The following VAV3 variants were observed in gnomAD, a reference collection of about 807,000 sequenced individuals.
VAV3 encodes the protein vav guanine nucleotide exchange factor 3, also known as guanine nucleotide exchange factor VAV3.
A neutral mutation model predicts 131.2 loss-of-function variants in VAV3; 94 were observed. That is an observed-to-expected ratio of 0.72 (90% CI 0.61 to 0.85). VAV3 has a LOEUF of 0.85. Ranked by LOEUF, VAV3 falls within the 40% of genes least tolerant of loss-of-function variation. The pLI is 0.00. For missense variants in VAV3, 939 were observed against 1,002.7 expected (o/e 0.94, Z 0.86); for synonymous variants, 349 against 342.0 (o/e 1.02, Z -0.22).
intron 2 of VAV3, among the ~76,000 whole-genome samples, chr1:107,835,907 C>A (rs1668457665): frequency 6.6e-6 from 1 of 152,224 alleles, no homozygotes; most frequent in Non-Finnish European, 1.5e-5. Flanking sequence ...GGCAATCTAA[C>A]CTTCAGCTCA....
intron 2 of VAV3, among the ~76,000 whole-genome samples, chr1:107,843,754 C>T (rs773454279): frequency 5.3e-5 from 8 of 151,972 alleles, no homozygotes; most frequent in Admixed American, 2.0e-4. Flanking sequence ...AAATCAGACA[C>T]GGAAAAATGC....
chr1:107,889,182 T>C (rs908051336), intron 1 of VAV3, among the ~76,000 whole-genome samples: 7 of 147,910 alleles, frequency 4.7e-5, no homozygotes, highest in Non-Finnish European at 1.0e-4. Context: ...ACTTGCCATG[T>C]AGCAGGCTAT....
intron 15 of VAV3, among the ~76,000 whole-genome samples, chr1:107,722,795 C>A (rs1335643243): frequency 1.3e-5 from 2 of 150,798 alleles, no homozygotes; most frequent in Admixed American, 6.6e-5. Context: ...AAACTAGATA[C>A]CCTCGAATCT....
intron 1 of VAV3, among the ~76,000 whole-genome samples, chr1:107,930,548 A>G (rs1464500161): frequency 1.3e-5 from 2 of 152,162 alleles, no homozygotes; most frequent in Non-Finnish European, 1.5e-5. Context: ...TATGTATTAC[A>G]CTTTCAGGGT....
chr1:107,873,324 A>C (rs1670336833), intron 2 of VAV3, among the ~76,000 whole-genome samples: 1 of 152,130 alleles, frequency 6.6e-6, no homozygotes, highest in African/African-American at 2.4e-5. Flanking sequence ...ATTTATCAAC[A>C]CCATTTCTTG....
intron 25 of VAV3, among the ~76,000 whole-genome samples, chr1:107,584,035 C>A (rs1157026719): frequency 3.2e-4 from 49 of 152,140 alleles, no homozygotes; most frequent in Non-Finnish European, 6.3e-4. Flanking sequence ...ACCAAAACAG[C>A]ATGGTACTGG....
intron 20 of VAV3, among the ~76,000 whole-genome samples, chr1:107,625,049 C>T (rs1247969482): frequency 4.6e-5 from 7 of 152,028 alleles, no homozygotes; most frequent in African/African-American, 1.4e-4. Flanking sequence ...GGTCATTCAA[C>T]CCTTCTTGGC....
chr1:107,757,410 C>A, intron 10 of VAV3, 81 bp from the exon 11 acceptor site: 2 of 1,166,924 alleles, frequency 1.7e-6, no homozygotes, highest in Admixed American at 2.5e-5. Flanking sequence ...TACAAATAAA[C>A]CATTATTATT....
intron 6 of VAV3, among the ~76,000 whole-genome samples, chr1:107,769,857 G>C (rs982163669): frequency 6.6e-6 from 1 of 152,028 alleles, no homozygotes; most frequent in African/African-American, 2.4e-5. Flanking sequence ...TTGGTTCTAT[G>C]TTTAAAATTT....
intron 1 of VAV3, among the ~76,000 whole-genome samples, chr1:107,938,182 G>A (rs767755924): frequency 1.4e-4 from 22 of 152,052 alleles, no homozygotes; most frequent in Non-Finnish European, 2.9e-4. Flanking sequence ...AATGAAAATG[G>A]GAAACAATTA....
chr1:107,864,327 A>G (rs990546675), intron 2 of VAV3, among the ~76,000 whole-genome samples: 1 of 152,244 alleles, frequency 6.6e-6, no homozygotes, highest in African/African-American at 2.4e-5. Context: ...CTTAATTTAA[A>G]TAAGAGGGCA....
intron 2 of VAV3, chr1:107,820,834 C>T (rs1272750882): frequency 1.3e-5 from 2 of 151,978 alleles, no homozygotes; most frequent in African/African-American, 4.8e-5. Context: ...AATCCATATA[C>T]TTAGAAGAAA....
At chr1:107,850,271 C>G (rs138148334) in intron 2 of VAV3, among the ~76,000 whole-genome samples, 5,459 of 152,104 alleles carry the variant, frequency 0.036, 216 homozygotes, top group African/African-American at 0.098. Context: ...CACATGCCCA[C>G]GTATGTTTAT....
At chr1:107,647,923 C>G (rs963437113) in intron 19 of VAV3, among the ~76,000 whole-genome samples, 2 of 152,000 alleles carry the variant, frequency 1.3e-5, no homozygotes, top group Admixed American at 1.3e-4. Flanking sequence ...TGCTGGGATT[C>G]CCCTGACATC....
intron 2 of VAV3, among the ~76,000 whole-genome samples, chr1:107,795,229 T>C (rs1666479143): frequency 6.6e-6 from 1 of 152,242 alleles, no homozygotes; most frequent in South Asian, 2.1e-4. Flanking sequence ...AAATCCTGAA[T>C]GAAGAAATAT....
intron 5 of VAV3, among the ~76,000 whole-genome samples, chr1:107,771,436 G>A (rs569197964): frequency 6.6e-6 from 1 of 152,178 alleles, no homozygotes; most frequent in Non-Finnish European, 1.5e-5. Flanking sequence ...GTGTTTTTTA[G>A]TAGAGACGAG....
chr1:107,597,888 C>A (rs954768974), intron 24 of VAV3, among the ~76,000 whole-genome samples: 3 of 152,134 alleles, frequency 2.0e-5, no homozygotes, highest in Non-Finnish European at 4.4e-5. Flanking sequence ...CTTTACATGG[C>A]TCCTTATAAC....
chr1:107,642,906 TTC>T (rs1332772800), intron 19 of VAV3, 151 bp from the exon 20 acceptor site: 2 of 1,108,878 alleles, frequency 1.8e-6, no homozygotes, highest in Non-Finnish European at 2.5e-6. Context: ...TAGAATGATT[TTC>T]AACTTTCTCA....
chr1:107,632,576 C>T (rs919212572), intron 20 of VAV3, among the ~76,000 whole-genome samples: 15 of 152,270 alleles, frequency 9.9e-5, no homozygotes, highest in Admixed American at 6.5e-5. Context: ...GCAATTCTGA[C>T]CCAAGTTACA....
Sources: allele counts gnomAD v4.1 joint callset (sites outside exome capture counted in the v4.1 genomes callset), GRCh38; gene constraint gnomAD v4.1.1; transcripts MANE v1.5; gene names NCBI Gene and HGNC (gene_info 2026-07-23, HGNC 2026-07-21).